Variants in TYW1 observed in about 807,000 individuals in gnomAD.
TYW1 encodes the protein S-adenosyl-L-methionine-dependent tRNA 4-demethylwyosine synthase TYW1.
TYW1 carries 46 observed loss-of-function variants against 96.2 expected under a neutral mutation model. That is an observed-to-expected ratio of 0.48 (90% CI 0.38 to 0.61). The LOEUF is 0.61. Among genes scored for constraint, TYW1 ranks in the 20% least tolerant of loss-of-function variants. The pLI, the probability that TYW1 is intolerant of heterozygous loss-of-function variation, is 0.00. For missense variants in TYW1, 684 were observed against 909.6 expected (o/e 0.75, Z 3.19); for synonymous variants, 274 against 323.0 (o/e 0.85, Z 1.63).
chr7:67,088,792 A>G (rs1362213561), intron 11 of TYW1, among the ~76,000 whole-genome samples: 1 of 151,284 alleles, frequency 6.6e-6, no homozygotes, highest in Non-Finnish European at 1.5e-5. Flanking sequence ...CTGATCTCGA[A>G]CTCCTGGGCT....
intron 6 of TYW1, among the ~76,000 whole-genome samples, chr7:67,020,283 C>T (rs370970367): frequency 1.8e-4 from 27 of 152,326 alleles, no homozygotes; most frequent in African/African-American, 6.5e-4. Context: ...CTCAGGAGGC[C>T]GAGGCAGGAG....
At chr7:67,108,519 G>T (rs1797307069) in intron 12 of TYW1, among the ~76,000 whole-genome samples, 1 of 148,078 alleles carries the variant, frequency 6.8e-6, no homozygotes, top group Admixed American at 6.9e-5. Context: ...TTGGCTCACT[G>T]CAGCCGCTGC....
chr7:67,136,011 T>C (rs975041992), intron 13 of TYW1, among the ~76,000 whole-genome samples: 17 of 152,356 alleles, frequency 1.1e-4, no homozygotes, highest in African/African-American at 3.8e-4. Context: ...ATACCTTTTA[T>C]ATGAGTCGTA....
In TYW1 at chr7:67,206,317, C is replaced by G. The variant is rs181198387; in HGVS notation, c.1977+10980C>G. 6.6e-5 allele frequency among the ~76,000 whole-genome samples: 10 copies of G among 152,230 alleles called. No homozygotes were observed. The East Asian group carries it at 1.9e-3, about 29-fold the overall frequency. On this transcript the variant is annotated intron_variant, in intron 15 of 15. Coordinates refer to ENST00000359626, the MANE Select transcript of TYW1 (RefSeq NM_018264.4). ...TTTAATAAATGGCTAGCAATTTACT[C>G]TAAGGGTACTAGTGTTGAAAAGCAG...
chr7:67,233,360 CCT>C lies in TYW1; in HGVS notation c.1978-4947_1978-4946del, dbSNP rs565785991. On this transcript the variant is annotated intron_variant, in intron 15 of 15. Transcript: ENST00000359626. ...ATTATTATTGTTTAGCGAAATTCTC[CCT>C]GTGTGAAAGAGGAGAACATAAGGAG... Among the ~76,000 whole-genome samples the C allele has an allele frequency of 2.6e-4, 35 of 135,348 alleles. 4 individuals are homozygous for C. The East Asian group carries it at 5.7e-3, about 22-fold the overall frequency. 88.8% of individuals were successfully genotyped at this position (135,348 alleles called of 152,430 possible).
Position 67,038,270 on chromosome 7 carries a change from T to G in TYW1, c.985-11679T>G, listed in dbSNP as rs1794901948. Among the ~76,000 whole-genome samples, 3 of 151,948 alleles carry G rather than the reference T, an allele frequency of 2.0e-5. 1 individual carries two copies. The South Asian group carries it at 6.2e-4, about 32-fold the overall frequency. ...GTGAGCCTAGATTACGCCACTGCACTCCAGCCTGGGTGACAGAGTGAGACT... is the reference window on the plus strand; with the variant it reads ...GTGAGCCTAGATTACGCCACTGCACGCCAGCCTGGGTGACAGAGTGAGACT... On this transcript the variant is annotated intron_variant, in intron 7 of 15. Transcript: ENST00000359626.
intron 13 of TYW1, among the ~76,000 whole-genome samples, chr7:67,143,698 A>C (rs1323744774): frequency 1.3e-5 from 2 of 152,224 alleles, no homozygotes; most frequent in African/African-American, 2.4e-5. Flanking sequence ...CTCAGCCTTC[A>C]TGTTAAAAAA....
chr7:67,158,823 A>G (rs368514491), intron 13 of TYW1, among the ~76,000 whole-genome samples: 5 of 151,502 alleles, frequency 3.3e-5, no homozygotes, highest in South Asian at 2.1e-4. Context: ...TGCCCGCCTC[A>G]GCCTCCCAAA....
Position 67,024,959 on chromosome 7 carries a change from C to T in TYW1, c.921C>T (p.Ser307=). 4 of 1,613,698 alleles carry T rather than the reference C, an allele frequency of 2.5e-6. No homozygotes were observed. Among genetic ancestry groups the T allele is most frequent in the Non-Finnish European group, 3.4e-6 (4 of 1,179,822 alleles). Residue 307 remains serine (S), a synonymous_variant, in exon 7 of 16, where the codon AGC becomes AGT. Coordinates refer to ENST00000359626, the MANE Select transcript of TYW1 (RefSeq NM_018264.4). ...AGTTTGGTGGTGAGGACCATCAGAG[C>T]CTAAATTCCATTGTTGATGTTGAAG... ...EEEFGGEDHQ[S]LNSIVDVEDL...
At chr7:67,083,578 T>C (rs375710646) in intron 11 of TYW1, 39 bp downstream of exon 11, 108 of 1,600,484 alleles carry the variant, frequency 6.7e-5, no homozygotes, top group Admixed American at 6.8e-5. Flanking sequence ...CTAATACCTG[T>C]TAATAGTCTG....
intron 13 of TYW1, among the ~76,000 whole-genome samples, chr7:67,163,668 A>ATTTTTTTT (rs3980764): frequency 7.1e-6 from 1 of 140,950 alleles, no homozygotes; most frequent in Non-Finnish European, 1.5e-5. Context: ...AAGCAGGAGA[A>ATTTTTTTT]TTTTTTTTTT....
intron 15 of TYW1, among the ~76,000 whole-genome samples, chr7:67,204,615 G>C: frequency 7.2e-6 from 1 of 138,510 alleles, no homozygotes; most frequent in Non-Finnish European, 1.5e-5. Context: ...TTTTTTGAGA[G>C]AGAGAATCTC....
intron 10 of TYW1, among the ~76,000 whole-genome samples, chr7:67,070,121 T>C (rs756433280): frequency 1.2e-4 from 19 of 152,360 alleles, no homozygotes; most frequent in East Asian, 5.8e-4. Flanking sequence ...GGATCCCTTA[T>C]ATGTGATGAG....
chr7:67,102,646 C>T (rs1797118861), intron 12 of TYW1, among the ~76,000 whole-genome samples: 1 of 151,884 alleles, frequency 6.6e-6, no homozygotes, highest in South Asian at 2.1e-4. Context: ...ATAGAGGTTA[C>T]ACTTTTGGAA....
At chr7:67,224,157 C>T (rs9691420) in intron 15 of TYW1, among the ~76,000 whole-genome samples, 23,419 of 152,138 alleles carry the variant, frequency 0.15, 1,967 homozygotes, top group African/African-American at 0.21. Flanking sequence ...GACAGAGTTT[C>T]GCTCTGGTTG....
intron 15 of TYW1, among the ~76,000 whole-genome samples, chr7:67,215,903 A>G (rs1801184953): frequency 6.6e-6 from 1 of 152,170 alleles, no homozygotes; most frequent in Non-Finnish European, 1.5e-5. Flanking sequence ...AATTGTGCCC[A>G]CCACATTAAG....
intron 13 of TYW1, among the ~76,000 whole-genome samples, chr7:67,140,468 G>C (rs1482029198): frequency 6.6e-6 from 1 of 151,700 alleles, no homozygotes; most frequent in Non-Finnish European, 1.5e-5. Context: ...GTTTAAAGTT[G>C]GTACTAAAAT....
chr7:67,162,440 G>A (rs1464812423), intron 13 of TYW1, among the ~76,000 whole-genome samples: 1 of 152,036 alleles, frequency 6.6e-6, no homozygotes, highest in African/African-American at 2.4e-5. Context: ...TTGTAGATTG[G>A]TACAAGTAAT....
chr7:67,008,475 A>AC (rs1362543520), intron 3 of TYW1, among the ~76,000 whole-genome samples: 1 of 151,842 alleles, frequency 6.6e-6, no homozygotes, highest in Admixed American at 6.6e-5. Context: ...CTGAGGCCTC[A>AC]CTCCAGTAAG....
Sources: gnomAD v4.1 joint callset for allele counts (sites outside exome capture counted in the v4.1 genomes callset) on GRCh38, gnomAD v4.1.1 for gene constraint, MANE v1.5 for transcripts, NCBI Gene and HGNC (gene_info 2026-07-23, HGNC 2026-07-21) for gene names.